MYO1D: variants seen among roughly 807,000 people sequenced by gnomAD.
The protein encoded by MYO1D is unconventional myosin-Id.
Under a neutral mutation model 122.0 loss-of-function variants are expected in MYO1D, and 83 were observed. The observed-to-expected ratio is 0.68, with a 90% CI of 0.57 to 0.82. The LOEUF (loss-of-function observed/expected upper bound fraction) is 0.82, where lower values mean the gene tolerates loss of function less well. Among genes scored for constraint, MYO1D ranks in the 40% least tolerant of loss-of-function variants. The pLI, the probability that MYO1D is intolerant of heterozygous loss-of-function variation, is 0.00. For synonymous variants in MYO1D, 464 were observed against 446.9 expected (o/e 1.04, Z -0.48); for missense variants, 1,157 against 1,269.5 (o/e 0.91, Z 1.35).
intron 21 of MYO1D, among the ~76,000 whole-genome samples, chr17:32,503,444 A>C (rs1246714154): frequency 6.6e-6 from 1 of 152,202 alleles, no homozygotes; most frequent in Non-Finnish European, 1.5e-5. Context: ...TCCCTGTGAG[A>C]GTGGGGGTGA....
At chr17:32,677,876 T>C (rs907607921) in intron 16 of MYO1D, among the ~76,000 whole-genome samples, 1 of 152,112 alleles carries the variant, frequency 6.6e-6, no homozygotes, top group African/African-American at 2.4e-5. Context: ...CCCTTCTTTT[T>C]TGTCTTTTTT....
At chr17:32,679,941 A>G (rs2088884617) in intron 16 of MYO1D, among the ~76,000 whole-genome samples, 2 of 148,564 alleles carry the variant, frequency 1.3e-5, no homozygotes, top group Admixed American at 1.3e-4. Context: ...TTCCTTGAGC[A>G]GTGGTTTGTA....
intron 6 of MYO1D, among the ~76,000 whole-genome samples, chr17:32,769,746 A>C (rs1205291167): frequency 1.3e-5 from 2 of 151,818 alleles, no homozygotes; most frequent in Non-Finnish European, 2.9e-5. Flanking sequence ...TTCATAGTTT[A>C]GGTTTTGACT....
At chr17:32,600,410 G>C (rs2150910140) in intron 21 of MYO1D, among the ~76,000 whole-genome samples, 1 of 152,330 alleles carries the variant, frequency 6.6e-6, no homozygotes, top group South Asian at 2.1e-4. Flanking sequence ...GGAAGTCCTA[G>C]ATGGCATCTT....
chr17:32,864,548 G>GAAAAAAAAA (rs200717040), intron 1 of MYO1D, among the ~76,000 whole-genome samples: 4 of 73,026 alleles, frequency 5.5e-5, no homozygotes, highest in African/African-American at 1.0e-4. Context: ...TTCTACGAAT[G>GAAAAAAAAA]AAAAAAAAAA....
chr17:32,604,846 C>T (rs2150913056), intron 21 of MYO1D, among the ~76,000 whole-genome samples: 1 of 152,252 alleles, frequency 6.6e-6, no homozygotes. Context: ...TAAAAATCAC[C>T]ATTTAGGGAA....
chr17:32,540,034 T>G (rs1436774112), intron 21 of MYO1D, among the ~76,000 whole-genome samples: 1 of 151,950 alleles, frequency 6.6e-6, no homozygotes, highest in Non-Finnish European at 1.5e-5. Context: ...CTTTTGTGCT[T>G]CAAAGGATAC....
intron 21 of MYO1D, among the ~76,000 whole-genome samples, chr17:32,529,479 TC>T (rs1297675379): frequency 6.6e-6 from 1 of 152,212 alleles, no homozygotes; most frequent in Non-Finnish European, 1.5e-5. Context: ...TAGACCCTTT[TC>T]TGTTTCATCT....
rs151223349 is a variant in MYO1D at position 32,741,561 on chromosome 17, C to T, written c.1614-3176G>A. On this transcript the variant is annotated intron_variant, in intron 13 of 21. Coordinates refer to ENST00000318217, the MANE Select transcript of MYO1D (RefSeq NM_015194.3). ...TTTATTTGTTGGGTTTATCTAAGTT[C>T]CTTTGTTCTGATTCTGTGCTTACCA... Among the ~76,000 whole-genome samples, 100 of 152,212 alleles carry T rather than the reference C, an allele frequency of 6.6e-4. 1 individual carries two copies. The highest frequency in any genetic ancestry group is 3.4e-3 in the Middle Eastern group (1 of 294).
intron 14 of MYO1D, among the ~76,000 whole-genome samples, chr17:32,725,852 G>GA (rs907355365): frequency 5.3e-5 from 8 of 151,588 alleles, no homozygotes; most frequent in Non-Finnish European, 1.2e-4. Flanking sequence ...CAGCCAGAGG[G>GA]AAAAAAAAGA....
At chr17:32,825,433 A>C (rs1054988812) in intron 1 of MYO1D, among the ~76,000 whole-genome samples, 3 of 152,144 alleles carry the variant, frequency 2.0e-5, no homozygotes, top group Admixed American at 2.0e-4. Flanking sequence ...CTGGGACTAC[A>C]GGTATGTGCC....
intron 1 of MYO1D, among the ~76,000 whole-genome samples, chr17:32,873,760 A>G (rs1437777167): frequency 6.6e-6 from 1 of 152,234 alleles, no homozygotes; most frequent in African/African-American, 2.4e-5. Context: ...TGATCTGTAC[A>G]ATGAGAACCA....
chr17:32,699,980 T>A (rs549109865), intron 16 of MYO1D, among the ~76,000 whole-genome samples: 2,250 of 151,806 alleles, frequency 0.015, 42 homozygotes, highest in African/African-American at 0.049. Flanking sequence ...GCAGTGAAAC[T>A]AAAAAATTAA....
chr17:32,577,884 A>G (rs1431039409), intron 21 of MYO1D, among the ~76,000 whole-genome samples: 1 of 151,930 alleles, frequency 6.6e-6, no homozygotes, highest in Non-Finnish European at 1.5e-5. Context: ...GACTACAGGC[A>G]CCCGCCACCA....
intron 1 of MYO1D, among the ~76,000 whole-genome samples, chr17:32,812,093 T>C (rs2090577273): frequency 2.0e-5 from 3 of 152,236 alleles, no homozygotes; most frequent in Admixed American, 1.3e-4. Context: ...CACATTCTGC[T>C]ATAAAAAGAG....
In MYO1D at chr17:32,692,502, A is replaced by T. The variant is rs551486104; in HGVS notation, c.2121+19486T>A. 8.5e-5 allele frequency among the ~76,000 whole-genome samples: 13 copies of T among 152,354 alleles called. No homozygotes were observed. The South Asian group carries it at 2.5e-3, about 29-fold the overall frequency. ...CTTTTCATAAAAGTCTGTTCAAAAA[A>T]ATCTTTTTTAGGGTGATATTTTACA... On this transcript the variant is annotated intron_variant, in intron 16 of 21. Coordinates refer to ENST00000318217, the MANE Select transcript of MYO1D (RefSeq NM_015194.3).
At position 32,755,554 on chromosome 17, in the gene MYO1D, C is replaced by T. The variant is rs145290255; in HGVS notation, c.1405G>A (p.Glu469Lys). 1,086 of 1,613,988 alleles carry T rather than the reference C, an allele frequency of 6.7e-4. No homozygotes were observed. Among genetic ancestry groups the T allele is most frequent in the Non-Finnish European group, 8.7e-4 (1,023 of 1,179,910 alleles). The change falls in exon 11 of 22, where the codon GAA becomes AAA. Residue 469 changes from glutamate to lysine, a missense_variant. Transcript: ENST00000318217. ...CTGTTAAGTGCTTCAAGAAACATTTCATCGGTGACTTTGCCGACATTCATG... is the reference window on the plus strand; with the variant it reads ...CTGTTAAGTGCTTCAAGAAACATTTTATCGGTGACTTTGCCGACATTCATG... Reference protein sequence around the residue: ...ACMNVGKVTDEMFLEALNSKL... With the variant: ...ACMNVGKVTDKMFLEALNSKL...
chr17:32,651,275 T>C (rs1039691520), intron 19 of MYO1D, among the ~76,000 whole-genome samples: 32 of 152,218 alleles, frequency 2.1e-4, no homozygotes, highest in African/African-American at 7.7e-4. Context: ...GGGTTGCTGT[T>C]TCCCAGCCTT....
intron 1 of MYO1D, among the ~76,000 whole-genome samples, chr17:32,864,764 C>G (rs1386423606): frequency 6.6e-6 from 1 of 151,938 alleles, no homozygotes; most frequent in African/African-American, 2.4e-5. Flanking sequence ...AGCCAAGAAT[C>G]AAAGATGCAG....
Sources: gnomAD v4.1 joint callset for allele counts (sites outside exome capture counted in the v4.1 genomes callset) on GRCh38, gnomAD v4.1.1 for gene constraint, MANE v1.5 for transcripts, NCBI Gene and HGNC (gene_info 2026-07-23, HGNC 2026-07-21) for gene names.